Variants in NRXN1 observed in about 807,000 individuals in gnomAD.
NRXN1 encodes neurexin 1.
Under a neutral mutation model 150.9 loss-of-function variants are expected in NRXN1, and 39 were observed. The ratio of observed to expected loss-of-function variants is 0.26; its 90% confidence interval spans 0.20 to 0.34. The LOEUF (loss-of-function observed/expected upper bound fraction) is 0.34, where lower values mean the gene tolerates loss of function less well. NRXN1 is among the 10% of genes least tolerant of loss of function. NRXN1 has a pLI of 1.00. For missense variants in NRXN1, 1,815 were observed against 1,949.9 expected (o/e 0.93, Z 1.30); for synonymous variants, 924 against 757.0 (o/e 1.22, Z -3.62).
At chr2:50,453,602 T>A (rs2087219653) in intron 17 of NRXN1, among the ~76,000 whole-genome samples, 1 of 152,206 alleles carries the variant, frequency 6.6e-6, no homozygotes, top group African/African-American at 2.4e-5. Context: ...AGTCTCTTGT[T>A]CTTGGTACGG....
At chr2:50,853,173 T>C (rs1273747188) in intron 5 of NRXN1, among the ~76,000 whole-genome samples, 2 of 152,172 alleles carry the variant, frequency 1.3e-5, no homozygotes, top group African/African-American at 4.8e-5. Context: ...TATCTGTATA[T>C]ATTGACTACT....
chr2:50,761,446 C>T (rs1011036359), intron 5 of NRXN1, among the ~76,000 whole-genome samples: 11 of 151,930 alleles, frequency 7.2e-5, no homozygotes, highest in African/African-American at 2.7e-4. Context: ...CTCTTGCCTG[C>T]TGCCATGTAA....
intron 19 of NRXN1, among the ~76,000 whole-genome samples, chr2:50,069,429 T>C (rs139522806): frequency 1.3e-5 from 2 of 152,304 alleles, no homozygotes; most frequent in Admixed American, 6.5e-5. Flanking sequence ...TGTTAAAACA[T>C]GGTGATTGTG....
intron 5 of NRXN1, among the ~76,000 whole-genome samples, chr2:50,629,873 G>T (rs1391786022): frequency 2.0e-5 from 3 of 151,138 alleles, no homozygotes; most frequent in Admixed American, 6.6e-5. Context: ...ATATATATAC[G>T]CTGCTTGGTA....
At chr2:50,531,110 TA>T in intron 11 of NRXN1, 116 bp downstream of exon 11, 4 of 733,400 alleles carry the variant, frequency 5.5e-6, no homozygotes, top group Non-Finnish European at 9.0e-6. Flanking sequence ...ATGATGGAAA[TA>T]AGACCATTAA....
At chr2:50,193,340 G>A (rs938668586) in intron 18 of NRXN1, among the ~76,000 whole-genome samples, 1 of 152,070 alleles carries the variant, frequency 6.6e-6, no homozygotes, top group African/African-American at 2.4e-5. Context: ...TAGAGCCTAC[G>A]AGTGTTCTGG....
At chr2:50,199,064 T>C (rs1202867669) in intron 18 of NRXN1, 1 of 152,152 alleles carries the variant, frequency 6.6e-6, no homozygotes, top group Non-Finnish European at 1.5e-5. Context: ...GTCCTCTCTG[T>C]GCTACTTTGC....
At chr2:50,348,144 A>G (rs1035913079) in intron 17 of NRXN1, among the ~76,000 whole-genome samples, 2 of 152,184 alleles carry the variant, frequency 1.3e-5, no homozygotes, top group East Asian at 1.9e-4. Flanking sequence ...TTTAAACTCA[A>G]TCTGCTAAAT....
At chr2:50,600,138 G>C (rs4971685) in intron 8 of NRXN1, among the ~76,000 whole-genome samples, 126,072 of 152,008 alleles carry the variant, frequency 0.83, 53,000 homozygotes, top group African/African-American at 0.95. Flanking sequence ...CTGAGGTAAA[G>C]TGATTATTTC....
intron 18 of NRXN1, among the ~76,000 whole-genome samples, chr2:50,104,468 T>G (rs1056875089): frequency 2.6e-5 from 4 of 151,968 alleles, no homozygotes; most frequent in Non-Finnish European, 5.9e-5. Flanking sequence ...CATATGTAAC[T>G]TATTCAGTGT....
intron 2 of NRXN1, among the ~76,000 whole-genome samples, chr2:50,992,425 A>G (rs532154358): frequency 6.6e-6 from 1 of 152,056 alleles, no homozygotes; most frequent in Non-Finnish European, 1.5e-5. Flanking sequence ...AAAGGCTAAC[A>G]CCCTCATCAT....
intron 5 of NRXN1, among the ~76,000 whole-genome samples, chr2:50,867,135 C>T (rs373362295): frequency 2.0e-5 from 3 of 151,962 alleles, no homozygotes; most frequent in South Asian, 2.1e-4. Flanking sequence ...GAGCTTTTTA[C>T]TTTTGTTTTT....
intron 5 of NRXN1, among the ~76,000 whole-genome samples, chr2:50,634,517 T>C (rs1332656869): frequency 6.6e-6 from 1 of 152,224 alleles, no homozygotes; most frequent in African/African-American, 2.4e-5. Context: ...ATTTGTGGAA[T>C]ATAAACAGAA....
intron 19 of NRXN1, among the ~76,000 whole-genome samples, chr2:50,075,171 C>T (rs1180842031): frequency 6.6e-6 from 1 of 152,186 alleles, no homozygotes; most frequent in African/African-American, 2.4e-5. Context: ...TCTGACCTCA[C>T]AGAAGGACTT....
intron 21 of NRXN1, among the ~76,000 whole-genome samples, chr2:49,975,927 A>T (rs987360501): frequency 6.6e-6 from 1 of 152,184 alleles, no homozygotes; most frequent in African/African-American, 2.4e-5. Context: ...TTTGAATGAA[A>T]AAGCCATAAA....
chr2:50,756,824 A>G (rs1007568925), intron 5 of NRXN1, among the ~76,000 whole-genome samples: 11 of 151,810 alleles, frequency 7.2e-5, no homozygotes, highest in Admixed American at 2.6e-4. Flanking sequence ...GAAAGCATAC[A>G]TTTTTTCACT....
chr2:51,029,342 A>G (rs1671116881), intron 1 of NRXN1, 148 bp from the exon 2 acceptor site: 1 of 152,342 alleles, frequency 6.6e-6, no homozygotes, highest in East Asian at 1.9e-4. Flanking sequence ...TATCCTCACT[A>G]CAAGTAAGTC....
intron 15 of NRXN1, 78 bp downstream of exon 15, chr2:50,495,827 C>T (rs1344973866): frequency 1.5e-6 from 2 of 1,297,026 alleles, no homozygotes; most frequent in Non-Finnish European, 1.1e-6. Context: ...TACAAACACA[C>T]CCCTAAGCAA....
chr2:49,981,522 T>G (rs945423243), intron 21 of NRXN1, among the ~76,000 whole-genome samples: 2 of 152,028 alleles, frequency 1.3e-5, no homozygotes, highest in East Asian at 3.9e-4. Context: ...TCAGGCATTA[T>G]CAAGTGTAAA....
Sources: allele counts gnomAD v4.1 joint callset (sites outside exome capture counted in the v4.1 genomes callset), GRCh38; gene constraint gnomAD v4.1.1; transcripts MANE v1.5; gene names NCBI Gene and HGNC (gene_info 2026-07-23, HGNC 2026-07-21).